PPP1R12B: variants seen among roughly 807,000 people sequenced by gnomAD.
PPP1R12B encodes the protein protein phosphatase 1 regulatory subunit 12B.
PPP1R12B carries 76 observed loss-of-function variants against 126.1 expected under a neutral mutation model. The observed-to-expected ratio is 0.60, with a 90% CI of 0.50 to 0.73. The LOEUF (loss-of-function observed/expected upper bound fraction) is 0.73. Ranked by LOEUF, PPP1R12B falls within the 30% of genes least tolerant of loss-of-function variation. The probability of loss-of-function intolerance (pLI) is 0.00; values close to 1 mark genes in which losing one functional copy is unlikely to be tolerated. For missense variants in PPP1R12B, 1,052 were observed against 1,205.1 expected (o/e 0.87, Z 1.88); for synonymous variants, 356 against 434.7 (o/e 0.82, Z 2.25).
At chr1:202,510,216 G>C (rs1681285393) in intron 18 of PPP1R12B, among the ~76,000 whole-genome samples, 2 of 152,150 alleles carry the variant, frequency 1.3e-5, no homozygotes, top group Non-Finnish European at 2.9e-5. Flanking sequence ...GGCGTGTGTA[G>C]ATACTGATAT....
At chr1:202,558,721 T>G in intron 18 of PPP1R12B, 156 bp from the exon 19 acceptor site, 1 of 560,014 alleles carries the variant, frequency 1.8e-6, no homozygotes, top group Non-Finnish European at 3.1e-6. Context: ...ATTTGATTGC[T>G]TTTCTTAAAT....
chr1:202,438,097 A>G, intron 10 of PPP1R12B, 73 bp downstream of exon 10: 1 of 1,601,434 alleles, frequency 6.2e-7, no homozygotes, highest in East Asian at 2.2e-5. Context: ...CTTAGGAACA[A>G]ATGAAAATAT....
At chr1:202,397,311 C>T (rs1003622571) in intron 1 of PPP1R12B, among the ~76,000 whole-genome samples, 22 of 152,208 alleles carry the variant, frequency 1.4e-4, no homozygotes, top group African/African-American at 5.1e-4. Flanking sequence ...TCTTGAAACA[C>T]TTTCATCCTA....
intron 18 of PPP1R12B, among the ~76,000 whole-genome samples, chr1:202,545,564 T>C (rs1291372338): frequency 6.6e-6 from 1 of 152,246 alleles, no homozygotes; most frequent in African/African-American, 2.4e-5. Context: ...GCATCTGCTT[T>C]GTAGTAGGCT....
intron 18 of PPP1R12B, among the ~76,000 whole-genome samples, chr1:202,514,802 A>G (rs948892569): frequency 1.1e-4 from 17 of 152,186 alleles, no homozygotes; most frequent in African/African-American, 4.1e-4. Context: ...GTATATACTC[A>G]GAGGAATATA....
chr1:202,423,108 C>A (rs1457231267), intron 3 of PPP1R12B, among the ~76,000 whole-genome samples: 1 of 152,220 alleles, frequency 6.6e-6, no homozygotes, highest in East Asian at 1.9e-4. Flanking sequence ...CATCTTTTCC[C>A]TTGTTGAGAG....
intron 9 of PPP1R12B, among the ~76,000 whole-genome samples, chr1:202,436,958 G>C (rs557915914): frequency 1.3e-5 from 2 of 152,068 alleles, no homozygotes; most frequent in Non-Finnish European, 1.5e-5. Context: ...TTAGCAGTTA[G>C]AATTTGAGTG....
rs1425551081 is a variant in PPP1R12B, at chr1:202,562,865, C to T, written c.2595C>T (p.Ala865=). 1.9e-6 allele frequency: 3 copies of T among 1,612,668 alleles called. No homozygotes were observed. The highest frequency in any genetic ancestry group is 1.7e-5 in the Admixed American group (1 of 59,614). The change falls in exon 20 of 24, where the codon GCC becomes GCT. Residue 865 remains alanine, a synonymous_variant. Transcript: ENST00000608999. Reference sequence around the variant, plus strand: ...GAGCCCGTCGGGAGGCCCGGGAGGCCCGCCTAGCCACCCTGACCAGCCGTG... The same window carrying T: ...GAGCCCGTCGGGAGGCCCGGGAGGCTCGCCTAGCCACCCTGACCAGCCGTG... ...SARARREARE[A]RLATLTSRVE...
intron 1 of PPP1R12B, among the ~76,000 whole-genome samples, chr1:202,381,993 A>G (rs184613713): frequency 1.3e-5 from 2 of 152,310 alleles, no homozygotes; most frequent in African/African-American, 2.4e-5. Context: ...TTGCAGCACT[A>G]TTCACAATAG....
intron 1 of PPP1R12B, among the ~76,000 whole-genome samples, chr1:202,402,824 C>T (rs565438276): frequency 9.2e-5 from 14 of 152,232 alleles, no homozygotes; most frequent in Middle Eastern, 3.4e-3. Flanking sequence ...ACCTAAGATT[C>T]GTGCTTTTCA....
chr1:202,549,912 A>C (rs1686139256), intron 18 of PPP1R12B, among the ~76,000 whole-genome samples: 1 of 152,084 alleles, frequency 6.6e-6, no homozygotes, highest in South Asian at 2.1e-4. Flanking sequence ...CTGAGATTTG[A>C]TCTCTCCGCT....
At position 202,431,524 on chromosome 1, in the gene PPP1R12B, A is replaced by C; in HGVS notation, c.1046A>C (p.Glu349Ala). 6.2e-7 allele frequency: 1 copy of C among 1,613,520 alleles called. No homozygotes were observed. The highest frequency in any genetic ancestry group is 8.5e-7 in the Non-Finnish European group (1 of 1,179,774). The change falls in exon 8 of 24, where the codon GAA becomes GCA. Residue 349 changes from glutamate (E) to alanine (A), a missense_variant. Glu to Ala is a moderately radical substitution (Grantham distance 107). Transcript: ENST00000608999. ...GAGGAGGAGACACCTAAGTCCCAAG[A>C]AATGGAGGAAGAAAATAAAGAATCT... ...LYEEETPKSQ[E>A]MEEENKESSS...
chr1:202,374,433 A>G (rs903921059), intron 1 of PPP1R12B, among the ~76,000 whole-genome samples: 8 of 150,738 alleles, frequency 5.3e-5, no homozygotes, highest in African/African-American at 2.0e-4. Context: ...TAGTCACCAA[A>G]TCCTGTGGAT....
chr1:202,567,509 T>G, intron 21 of PPP1R12B: 17 of 416,694 alleles, frequency 4.1e-5, no homozygotes, highest in African/African-American at 4.1e-5. Flanking sequence ...GAGAGAGAGA[T>G]TGTGTGTTGT....
chr1:202,429,223 T>C (rs1669915404), intron 6 of PPP1R12B, among the ~76,000 whole-genome samples: 1 of 152,254 alleles, frequency 6.6e-6, no homozygotes, highest in Non-Finnish European at 1.5e-5. Context: ...ATGAATGTGA[T>C]ATGTTCAAAT....
At chr1:202,573,087 T>C (rs1297764928) in intron 23 of PPP1R12B, among the ~76,000 whole-genome samples, 1 of 152,240 alleles carries the variant, frequency 6.6e-6, no homozygotes, top group Non-Finnish European at 1.5e-5. Context: ...ATAATGATTA[T>C]GTTGAAAGCT....
chr1:202,560,221 T>C (rs1257314682), intron 19 of PPP1R12B, among the ~76,000 whole-genome samples: 2 of 152,120 alleles, frequency 1.3e-5, no homozygotes, highest in African/African-American at 4.8e-5. Flanking sequence ...AATCTTTATA[T>C]AGGAAAAGCC....
chr1:202,437,580 G>A (rs1358451), intron 9 of PPP1R12B, among the ~76,000 whole-genome samples: 1 of 152,130 alleles, frequency 6.6e-6, no homozygotes, highest in Non-Finnish European at 1.5e-5. Flanking sequence ...ACCCTGTCAG[G>A]TAGGAGCACT....
intron 18 of PPP1R12B, among the ~76,000 whole-genome samples, chr1:202,547,125 G>C (rs936225446): frequency 6.6e-6 from 1 of 152,156 alleles, no homozygotes; most frequent in Non-Finnish European, 1.5e-5. Context: ...AACCTAAGCT[G>C]TGTGACAAAT....
Sources: gnomAD v4.1 joint callset for allele counts (sites outside exome capture counted in the v4.1 genomes callset) on GRCh38, gnomAD v4.1.1 for gene constraint, MANE v1.5 for transcripts, NCBI Gene and HGNC (gene_info 2026-07-23, HGNC 2026-07-21) for gene names.